SLC26A7: variants seen among roughly 807,000 people sequenced by gnomAD.
SLC26A7 encodes the protein anion exchange transporter.
In SLC26A7, 59 loss-of-function variants were observed where a neutral mutation model predicts 82.5. The observed-to-expected ratio is 0.72, with a 90% CI of 0.58 to 0.89. The LOEUF (loss-of-function observed/expected upper bound fraction) is 0.89. SLC26A7 is among the 40% of genes least tolerant of loss of function. The pLI is 0.00. For missense variants in SLC26A7, 820 were observed against 793.0 expected (o/e 1.03, Z -0.41); for synonymous variants, 271 against 274.3 (o/e 0.99, Z 0.12).
chr8:91,223,411 A>G (rs927083719), intron 2 of SLC26A7, among the ~76,000 whole-genome samples: 53 of 151,578 alleles, frequency 3.5e-4, no homozygotes, highest in African/African-American at 1.2e-3. Context: ...TAGCTCTTTT[A>G]CTTGTGATGT....
Position 91,340,473 on chromosome 8 carries a change from A to C in SLC26A7, c.948A>C (p.Ala316=), listed in dbSNP as rs531446390. The C allele has an allele frequency of 4.0e-5, 64 of 1,613,980 alleles. 1 individual carries two copies. The Admixed American group carries it at 1.0e-3, about 26-fold the overall frequency. Residue 316 remains alanine (A), a synonymous_variant, in exon 8 of 19, where the codon GCA becomes GCC. Transcript: ENST00000276609. ...TGATCACTGAAGCTTTCGGAGTGGC[A>C]CTTGTAGGCTATGTGGCCTCACTGG... ...SAVITEAFGV[A]LVGYVASLAL... is the part of the protein sequence containing the mutation.
intron 8 of SLC26A7, 92 bp from the exon 9 acceptor site, chr8:91,343,261 C>A: frequency 1.3e-6 from 1 of 773,550 alleles, no homozygotes; most frequent in Non-Finnish European, 2.1e-6. Flanking sequence ...AATCTGAATA[C>A]AAACAAGCCT....
At chr8:91,272,123 A>G (rs868573298) in intron 2 of SLC26A7, among the ~76,000 whole-genome samples, 4 of 152,216 alleles carry the variant, frequency 2.6e-5, no homozygotes, top group Non-Finnish European at 4.4e-5. Flanking sequence ...TCACAGTCCT[A>G]TTGATGATGA....
intron 5 of SLC26A7, among the ~76,000 whole-genome samples, chr8:91,324,989 T>A (rs929975179): frequency 1.3e-5 from 2 of 152,198 alleles, no homozygotes; most frequent in Admixed American, 1.3e-4. Flanking sequence ...CTTCTAAGAT[T>A]CTTTCCAGTG....
intron 2 of SLC26A7, among the ~76,000 whole-genome samples, chr8:91,274,553 A>G (rs1474529720): frequency 6.6e-6 from 1 of 152,130 alleles, no homozygotes; most frequent in East Asian, 1.9e-4. Context: ...AGAGAGGGTG[A>G]CCTCACTCCC....
intron 5 of SLC26A7, among the ~76,000 whole-genome samples, chr8:91,328,031 G>A (rs1483901925): frequency 6.6e-6 from 1 of 151,980 alleles, no homozygotes; most frequent in Non-Finnish European, 1.5e-5. Context: ...AGAATGCAGA[G>A]GAAAGTAATG....
At chr8:91,284,239 G>A (rs548090095) in intron 2 of SLC26A7, among the ~76,000 whole-genome samples, 36 of 152,230 alleles carry the variant, frequency 2.4e-4, no homozygotes, top group Non-Finnish European at 3.2e-4. Flanking sequence ...GATCATCTGG[G>A]AAGAGGCACT....
At chr8:91,341,685 G>C (rs954746800) in intron 8 of SLC26A7, among the ~76,000 whole-genome samples, 14 of 152,122 alleles carry the variant, frequency 9.2e-5, no homozygotes, top group Non-Finnish European at 1.5e-4. Flanking sequence ...CTTCCCAGTT[G>C]CTTCTGGTCA....
chr8:91,352,683 C>G (rs1007152539), intron 10 of SLC26A7, among the ~76,000 whole-genome samples: 1 of 152,068 alleles, frequency 6.6e-6, no homozygotes, highest in Non-Finnish European at 1.5e-5. Flanking sequence ...TAGAATTGTA[C>G]AAATATTACC....
At chr8:91,291,058 T>C (rs1811854259) in intron 3 of SLC26A7, among the ~76,000 whole-genome samples, 2 of 152,172 alleles carry the variant, frequency 1.3e-5, no homozygotes. Context: ...TATATGTGTT[T>C]ATATGTTTAT....
chr8:91,368,224 G>T (rs888630139), intron 14 of SLC26A7, among the ~76,000 whole-genome samples: 4 of 152,118 alleles, frequency 2.6e-5, no homozygotes, highest in African/African-American at 9.7e-5. Flanking sequence ...TGATCACCTG[G>T]ATAAGGGAGT....
At chr8:91,226,648 C>CG (rs1270561482) in intron 2 of SLC26A7, among the ~76,000 whole-genome samples, 6 of 152,198 alleles carry the variant, frequency 3.9e-5, no homozygotes, top group Non-Finnish European at 8.8e-5. Flanking sequence ...CCCTTGCTTT[C>CG]ATGAAACTTA....
chr8:91,221,352 G>C (rs1019370671), intron 2 of SLC26A7, among the ~76,000 whole-genome samples: 30 of 152,064 alleles, frequency 2.0e-4, no homozygotes, highest in African/African-American at 6.5e-4. Flanking sequence ...TTCTTTTGCT[G>C]TGCTTCTAGA....
chr8:91,247,072 A>T (rs10108936), upstream of SLC26A7, among the ~76,000 whole-genome samples: 103,949 of 152,024 alleles, frequency 0.68, 35,923 homozygotes, highest in South Asian at 0.75. Flanking sequence ...AGAAGGTGGG[A>T]AGGGGAGCAG....
chr8:91,315,423 A>T (rs1008304189), intron 4 of SLC26A7, among the ~76,000 whole-genome samples: 23 of 151,422 alleles, frequency 1.5e-4, no homozygotes, highest in African/African-American at 5.1e-4. Context: ...TGTTTTCAGG[A>T]TGAAAACCAA....
intron 15 of SLC26A7, among the ~76,000 whole-genome samples, chr8:91,371,169 GT>G (rs1380325360): frequency 1.3e-5 from 2 of 151,856 alleles, no homozygotes; most frequent in Non-Finnish European, 3.0e-5. Flanking sequence ...TAGATCACAA[GT>G]TTGAAGAAAT....
chr8:91,392,154 G>T (rs1419846724), intron 16 of SLC26A7, among the ~76,000 whole-genome samples: 1 of 152,088 alleles, frequency 6.6e-6, no homozygotes, highest in African/African-American at 2.4e-5. Flanking sequence ...CCCTTAGCCA[G>T]GTGTGTTTTA....
chr8:91,352,532 A>C (rs1239194033), intron 10 of SLC26A7, among the ~76,000 whole-genome samples: 2 of 152,166 alleles, frequency 1.3e-5, no homozygotes, highest in African/African-American at 4.8e-5. Flanking sequence ...CAATTATAAG[A>C]AAATATATGA....
At position 91,379,302 on chromosome 8, in the gene SLC26A7, G is replaced by A. The variant is rs140223141; in HGVS notation, c.1675+9469G>A. ...TAAAGTTACAATAGAATATTTTAATGGCTTTTTACAAGCTTATTTAAATTT... is the reference window on the plus strand; with the variant it reads ...TAAAGTTACAATAGAATATTTTAATAGCTTTTTACAAGCTTATTTAAATTT... On this transcript the variant is annotated intron_variant, in intron 15 of 18. Transcript: ENST00000276609. Among the ~76,000 whole-genome samples, 496 of 152,072 alleles carry A rather than the reference G, an allele frequency of 3.3e-3. 5 individuals are homozygous for A. Among genetic ancestry groups the A allele is most frequent in the African/African-American group, 0.011 (467 of 41,526 alleles).
Sources: gnomAD v4.1 joint callset for allele counts (sites outside exome capture counted in the v4.1 genomes callset) on GRCh38, gnomAD v4.1.1 for gene constraint, MANE v1.5 for transcripts, NCBI Gene and HGNC (gene_info 2026-07-23, HGNC 2026-07-21) for gene names.